Variants in ANGPT4 observed in about 807,000 individuals in gnomAD.
ANGPT4 encodes the protein angiopoietin-4.
ANGPT4 carries 50 observed loss-of-function variants against 53.0 expected under a neutral mutation model. That is an observed-to-expected ratio of 0.94 (90% confidence interval 0.75 to 1.20). ANGPT4 has a LOEUF of 1.20. Among genes scored for constraint, ANGPT4 ranks in the 50% most tolerant of loss-of-function variants. The probability of loss-of-function intolerance (pLI) is 0.00; values close to 1 mark genes in which losing one functional copy is unlikely to be tolerated. For missense variants in ANGPT4, 648 were observed against 637.1 expected, an observed-to-expected ratio of 1.02 and a Z score of -0.18; for synonymous variants, 251 against 259.7, an observed-to-expected ratio of 0.97 and a Z score of 0.32.
intron 1 of ANGPT4, among the ~76,000 whole-genome samples, chr20:912,910 G>C (rs546847643): frequency 6.6e-6 from 1 of 152,296 alleles, no homozygotes; most frequent in South Asian, 2.1e-4. Context: ...GCAGTTTGTA[G>C]TGAGAATCCA....
intron 7 of ANGPT4, among the ~76,000 whole-genome samples, chr20:875,750 G>C (rs796246477): frequency 5.3e-5 from 8 of 152,300 alleles, no homozygotes; most frequent in African/African-American, 1.9e-4. Context: ...GGCCTGGTTG[G>C]AGAGAATGCG....
Position 878,280 on chromosome 20 carries a change from C to T in ANGPT4, c.1101G>A (p.Val367=), listed in dbSNP as rs769668731. The T allele has an allele frequency of 1.9e-6, 3 of 1,611,190 alleles. No homozygotes were observed. The highest frequency in any genetic ancestry group is 2.5e-6 in the Non-Finnish European group (3 of 1,178,608). Residue 367 remains valine, a synonymous_variant, in exon 7 of 9, where the codon GTG becomes GTA. Transcript: ENST00000381922. ...AGGCTGCCCTTCTGGTGAGCTGGTG[C>T]ACCACTTCATTGCCCAGCCAGTGCT... ...AGEHWLGNEV[V]HQLTRRAAYS...
rs1011731023 is a variant in ANGPT4 at position 914,124 on chromosome 20, G to T, written c.309+1782C>A. ...TTCACTCATGCTACAGACATTTATTGAGTACCTACTGTGTGTTCGGCACTA... is the reference window on the plus strand; with the variant it reads ...TTCACTCATGCTACAGACATTTATTTAGTACCTACTGTGTGTTCGGCACTA... On this transcript the variant is annotated intron_variant, in intron 1 of 8. Transcript: ENST00000381922. The surrounding 1 kb of genome is among the most constrained non-coding windows in gnomAD (Gnocchi z 5.0). 1.3e-5 allele frequency among the ~76,000 whole-genome samples: 2 copies of T among 152,162 alleles called. No individual in the cohort carries two copies. Among genetic ancestry groups the T allele is most frequent in the Admixed American group, 1.3e-4 (2 of 15,284 alleles).
At chr20:902,786 G>A (rs989229494) in intron 1 of ANGPT4, among the ~76,000 whole-genome samples, 4 of 152,146 alleles carry the variant, frequency 2.6e-5, no homozygotes, top group Non-Finnish European at 5.9e-5. Flanking sequence ...GACCCCTGAA[G>A]GCCTGTCCCA....
Position 914,167 on chromosome 20 carries a change from C to T in ANGPT4, c.309+1739G>A, listed in dbSNP as rs1294169961. 6.6e-6 allele frequency among the ~76,000 whole-genome samples: 1 copy of T among 151,990 alleles called. No homozygotes were observed. Among genetic ancestry groups the T allele is most frequent in the South Asian group, 2.1e-4 (1 of 4,828 alleles). On this transcript the variant is annotated intron_variant, in intron 1 of 8. Coordinates refer to ENST00000381922, the MANE Select transcript of ANGPT4 (RefSeq NM_015985.4). This position sits in a 1 kb window ranked among gnomAD's most constrained non-coding sequence, Gnocchi z 5.0. ...CGGCACTATTCTAGGCCCTGGGAACCCAGAAGTGAGCAAAAGAGACATGGC... is the reference window on the plus strand; with the variant it reads ...CGGCACTATTCTAGGCCCTGGGAACTCAGAAGTGAGCAAAAGAGACATGGC...
At chr20:895,062 G>A (rs1981990599) in intron 1 of ANGPT4, among the ~76,000 whole-genome samples, 1 of 152,170 alleles carries the variant, frequency 6.6e-6, no homozygotes, top group Non-Finnish European at 1.5e-5. Context: ...GGCTGGGCTG[G>A]GCTCTGGAGA....
rs1296121689 is a variant in ANGPT4, at chr20:911,434, C to T, written c.309+4472G>A. On this transcript the variant is annotated intron_variant, in intron 1 of 8. Transcript: ENST00000381922. The surrounding 1 kb of genome is among the most constrained non-coding windows in gnomAD (Gnocchi z 4.9). ...GGCATTGGTCATTTGGCAGATGTGC[C>T]CTGGGTCTTCAGTGTGGACACTCGG... 6.6e-6 allele frequency among the ~76,000 whole-genome samples: 1 copy of T among 152,140 alleles called. No homozygotes were observed. The highest frequency in any genetic ancestry group is 1.5e-5 in the Non-Finnish European group (1 of 68,026).
Position 874,269 on chromosome 20 carries a change from C to T in ANGPT4, c.1351+15G>A, listed in dbSNP as rs764112042. ...GCCTGTGGGTGGGCGGAGCTTCACC[C>T]CACCCTGCACCTACCTCCAGACATC... On this transcript the variant is annotated intron_variant, in intron 8 of 8. Coordinates refer to ENST00000381922, the MANE Select transcript of ANGPT4 (RefSeq NM_015985.4). 3 of 1,613,216 alleles carry T rather than the reference C, an allele frequency of 1.9e-6. No individual in the cohort carries two copies. The highest frequency in any genetic ancestry group is 1.1e-5 in the South Asian group (1 of 90,992).
intron 1 of ANGPT4, among the ~76,000 whole-genome samples, chr20:893,058 G>A (rs1203680111): frequency 6.6e-6 from 1 of 152,164 alleles, no homozygotes; most frequent in Non-Finnish European, 1.5e-5. Flanking sequence ...GCCCAGTCCT[G>A]GGTCCTTGTC....
intron 1 of ANGPT4, among the ~76,000 whole-genome samples, chr20:913,650 C>T (rs995477843): frequency 2.0e-5 from 3 of 152,214 alleles, no homozygotes; most frequent in Non-Finnish European, 4.4e-5. Flanking sequence ...ATCCGACACC[C>T]AGGGGATTCA....
At position 911,806 on chromosome 20, in the gene ANGPT4, C is replaced by G. The variant is rs1237047886; in HGVS notation, c.309+4100G>C. 6.6e-6 allele frequency among the ~76,000 whole-genome samples: 1 copy of G among 151,532 alleles called. No homozygotes were observed. Among genetic ancestry groups the G allele is most frequent in the Non-Finnish European group, 1.5e-5 (1 of 67,922 alleles). ...CCCCAGTGTGGTTGAGAGAGTCAGA[C>G]CTTGTCTTTAGGAGAGAGACAGAGA... On this transcript the variant is annotated intron_variant, in intron 1 of 8. Transcript: ENST00000381922. This position sits in a 1 kb window ranked among gnomAD's most constrained non-coding sequence, Gnocchi z 4.9.
intron 4 of ANGPT4, among the ~76,000 whole-genome samples, chr20:884,690 C>A (rs1981539773): frequency 6.6e-6 from 1 of 152,126 alleles, no homozygotes; most frequent in Non-Finnish European, 1.5e-5. Flanking sequence ...CAGTTCCTCC[C>A]ATTCTACAGC....
chr20:882,055 T>C (rs1380200376), intron 4 of ANGPT4, among the ~76,000 whole-genome samples: 2 of 152,170 alleles, frequency 1.3e-5, no homozygotes, highest in Non-Finnish European at 2.9e-5. Flanking sequence ...CTCCCCTTCA[T>C]AGCCCACCCT....
intron 1 of ANGPT4, among the ~76,000 whole-genome samples, chr20:905,891 T>G (rs186488557): frequency 1.4e-4 from 21 of 152,278 alleles, no homozygotes; most frequent in African/African-American, 4.1e-4. Context: ...TCCTTGGTGC[T>G]CCCATTGTCA....
intron 1 of ANGPT4, among the ~76,000 whole-genome samples, chr20:907,841 G>T (rs889690396): frequency 2.6e-5 from 4 of 152,068 alleles, no homozygotes; most frequent in African/African-American, 9.7e-5. Context: ...GCTTTGCTGG[G>T]GTATCTCCCC....
At chr20:903,410 C>T (rs191926385) in intron 1 of ANGPT4, among the ~76,000 whole-genome samples, 3 of 152,312 alleles carry the variant, frequency 2.0e-5, no homozygotes, top group Admixed American at 2.0e-4. Context: ...ACTTCCACCC[C>T]AGTCCCAGCC....
In ANGPT4 at chr20:908,957, C is replaced by T. The variant is rs1051697739; in HGVS notation, c.309+6949G>A. Among the ~76,000 whole-genome samples, 5 of 152,042 alleles carry T rather than the reference C, an allele frequency of 3.3e-5. No individual in the cohort carries two copies. The highest frequency in any genetic ancestry group is 2.1e-4 in the South Asian group (1 of 4,816). ...TTCTGGGCCAACTCCTGCCACCGAC[C>T]CTTGGGTGAATGTGATTGAGTCACT... On this transcript the variant is annotated intron_variant, in intron 1 of 8. Coordinates refer to ENST00000381922, the MANE Select transcript of ANGPT4 (RefSeq NM_015985.4). The surrounding 1 kb of genome is among the most constrained non-coding windows in gnomAD (Gnocchi z 4.9).
rs1410239742 is a variant in ANGPT4 at position 885,167 on chromosome 20, C to A, written c.746G>T (p.Ser249Ile). The A allele has an allele frequency of 6.2e-7, 1 of 1,609,088 alleles. No homozygotes were observed. The highest frequency in any genetic ancestry group is 8.5e-7 in the Non-Finnish European group (1 of 1,178,020). The change falls in exon 4 of 9, where the codon AGC (serine) becomes ATC (isoleucine). Residue 249 changes from serine to isoleucine, a missense_variant. Coordinates refer to ENST00000381922, the MANE Select transcript of ANGPT4 (RefSeq NM_015985.4). ...GCTGTGCTGCTGGTCCTGCAGGAGG[C>A]TGGAGTTGTGCCTGACACCGCGCAG... ...RGLRGVRHNS[S>I]LLQDQQHSLR...
chr20:886,194 C>T (rs1039327835), intron 3 of ANGPT4, among the ~76,000 whole-genome samples: 3 of 152,190 alleles, frequency 2.0e-5, no homozygotes, highest in Non-Finnish European at 4.4e-5. Context: ...TCTTTTTGGA[C>T]ATTTTATCCT....
Sources: allele counts gnomAD v4.1 joint callset (sites outside exome capture counted in the v4.1 genomes callset), GRCh38; gene constraint gnomAD v4.1.1; non-coding constraint Gnocchi (gnomAD v3.1); transcripts MANE v1.5; gene names NCBI Gene and HGNC (gene_info 2026-07-23, HGNC 2026-07-21).